Variants in SUCLG2 observed in about 807,000 individuals in gnomAD.
SUCLG2 encodes the protein succinate--CoA ligase [GDP-forming] subunit beta, mitochondrial.
SUCLG2 carries 42 observed loss-of-function variants against 47.9 expected under a neutral mutation model. The observed-to-expected ratio is 0.88, with a 90% confidence interval of 0.69 to 1.14. The LOEUF is 1.14. Ranked by LOEUF, SUCLG2 falls within the 50% of genes most tolerant of loss-of-function variation. The pLI is 0.00. For missense variants in SUCLG2, 571 were observed against 525.9 expected (o/e 1.09, Z -0.84); for synonymous variants, 195 against 197.3 (o/e 0.99, Z 0.10).
chr3:67,639,670 G>C (rs1055031601), intron 1 of SUCLG2, among the ~76,000 whole-genome samples: 1 of 152,120 alleles, frequency 6.6e-6, no homozygotes, highest in Non-Finnish European at 1.5e-5. Context: ...TTCCATAGCT[G>C]TCCTGTGGAA....
intron 2 of SUCLG2, among the ~76,000 whole-genome samples, chr3:67,540,012 C>T (rs1168632415): frequency 3.3e-5 from 5 of 151,592 alleles, no homozygotes; most frequent in African/African-American, 1.2e-4. Flanking sequence ...AAACAGCTCC[C>T]GGATTCATTG....
At chr3:67,591,129 C>A (rs1011713052) in intron 2 of SUCLG2, among the ~76,000 whole-genome samples, 4 of 152,098 alleles carry the variant, frequency 2.6e-5, no homozygotes, top group Non-Finnish European at 5.9e-5. Flanking sequence ...AAGAAATATA[C>A]CCCTGGGGCT....
intron 2 of SUCLG2, among the ~76,000 whole-genome samples, chr3:67,586,664 T>A (rs906865722): frequency 6.6e-6 from 1 of 152,228 alleles, no homozygotes; most frequent in Non-Finnish European, 1.5e-5. Flanking sequence ...GATGACCTTT[T>A]GAAATGCTCT....
intron 9 of SUCLG2, among the ~76,000 whole-genome samples, chr3:67,495,132 T>C (rs1705297783): frequency 6.6e-6 from 1 of 152,206 alleles, no homozygotes; most frequent in South Asian, 2.1e-4. Flanking sequence ...TCAGCATCTT[T>C]ATGGAAGGAA....
At chr3:67,505,415 T>C (rs113503795) in intron 7 of SUCLG2, among the ~76,000 whole-genome samples, 3 of 152,210 alleles carry the variant, frequency 2.0e-5, no homozygotes, top group Admixed American at 6.5e-5. Flanking sequence ...CTAAACTACA[T>C]TGCAGTTAGT....
At position 67,386,189 on chromosome 3, in the gene SUCLG2, C is replaced by T. The variant is rs760193649; in HGVS notation, c.1184-10330G>A. Among the ~76,000 whole-genome samples, 4 of 152,092 alleles carry T rather than the reference C, an allele frequency of 2.6e-5. No homozygotes were observed. The East Asian group carries it at 5.8e-4, about 22-fold the overall frequency. On this transcript the variant is annotated intron_variant, in intron 10 of 10. Transcript: ENST00000307227. The stretch of plus-strand genomic sequence containing the variant: ...CTGCAAGCTCCGCCTCCCAGGTTCA[C>T]GCCATTCTCCTGCCTCAGCCTCCCA...
At chr3:67,374,625 A>T, downstream of SUCLG2, 1 of 366,676 alleles carries the variant, frequency 2.7e-6, no homozygotes, top group Non-Finnish European at 3.8e-6. Context: ...ATCAAATTTT[A>T]GAGGCATACC....
intron 9 of SUCLG2, among the ~76,000 whole-genome samples, chr3:67,430,583 G>A (rs1703449572): frequency 6.6e-6 from 1 of 151,944 alleles, no homozygotes; most frequent in African/African-American, 2.4e-5. Context: ...CTAGCAGAAG[G>A]CAAGAAATAA....
At chr3:67,593,904 G>C (rs1190421643) in intron 2 of SUCLG2, among the ~76,000 whole-genome samples, 1 of 152,182 alleles carries the variant, frequency 6.6e-6, no homozygotes, top group African/African-American at 2.4e-5. Context: ...CTTCCCACTA[G>C]AGGCCCTGAC....
rs1433807084 is a variant in SUCLG2 at position 67,654,423 on chromosome 3, C to T, written c.84+80G>A. ...GGCCGCGCAGGGGGTCAGGCGGAGACCAAGAGTAGCAGGGGGCGAGGGAAG... is the reference window on the plus strand; with the variant it reads ...GGCCGCGCAGGGGGTCAGGCGGAGATCAAGAGTAGCAGGGGGCGAGGGAAG... On this transcript the variant is annotated intron_variant, in intron 1 of 10. Coordinates refer to ENST00000307227, the MANE Select transcript of SUCLG2 (RefSeq NM_003848.4). The T allele has an allele frequency of 3.5e-6, 4 of 1,138,472 alleles. No individual in the cohort carries two copies. In the South Asian group the frequency reaches 1.3e-4, roughly 38 times the overall value. The allele number at this position is 1,138,472 out of a possible 1,614,324, so 70.5% of individuals were successfully genotyped here.
intron 9 of SUCLG2, among the ~76,000 whole-genome samples, chr3:67,472,207 A>G (rs926033435): frequency 9.2e-5 from 14 of 152,232 alleles, no homozygotes; most frequent in African/African-American, 3.4e-4. Context: ...AGTGATGTTC[A>G]TTTATTCTAT....
chr3:67,362,299 T>G (rs1445021253), intron 10 of SUCLG2, among the ~76,000 whole-genome samples: 1 of 152,048 alleles, frequency 6.6e-6, no homozygotes, highest in Non-Finnish European at 1.5e-5. Context: ...CTGTCTCTTA[T>G]GCGTCTCCCC....
intron 2 of SUCLG2, among the ~76,000 whole-genome samples, chr3:67,552,199 A>C (rs544546247): frequency 1.3e-5 from 2 of 151,838 alleles, no homozygotes; most frequent in East Asian, 3.9e-4. Flanking sequence ...AAAAGAAAAA[A>C]GAAAAAATGG....
At chr3:67,601,459 G>A (rs1708415975) in intron 2 of SUCLG2, among the ~76,000 whole-genome samples, 1 of 152,044 alleles carries the variant, frequency 6.6e-6, no homozygotes. Flanking sequence ...CAGACAGAGC[G>A]ATCACAGCAG....
intron 10 of SUCLG2, among the ~76,000 whole-genome samples, chr3:67,396,331 A>G (rs1238240173): frequency 1.3e-5 from 2 of 152,270 alleles, no homozygotes; most frequent in Admixed American, 6.5e-5. Context: ...AAAAAATGAT[A>G]AGGGGGATAT....
intron 2 of SUCLG2, among the ~76,000 whole-genome samples, chr3:67,549,544 A>G (rs1706955453): frequency 6.6e-6 from 1 of 152,240 alleles, no homozygotes. Flanking sequence ...AACAGTGGTT[A>G]TCTATAGGGA....
In SUCLG2 at chr3:67,445,803, A is replaced by G. The variant is rs1261624076; in HGVS notation, c.1063-44952T>C. ...AAAAAAAAATGTCATAGAAGGAGGAACTGGTTATTCTCAACTGCAGCGACA... is the reference window on the plus strand; with the variant it reads ...AAAAAAAAATGTCATAGAAGGAGGAGCTGGTTATTCTCAACTGCAGCGACA... On this transcript the variant is annotated intron_variant, in intron 9 of 10. Transcript: ENST00000307227. Among the ~76,000 whole-genome samples, 9 of 55,576 alleles carry G rather than the reference A, an allele frequency of 1.6e-4. 4 individuals are homozygous for G. The highest frequency in any genetic ancestry group is 3.4e-4 in the Non-Finnish European group (9 of 26,754). The allele number at this position is 55,576 out of a possible 152,430, so 36.5% of individuals were successfully genotyped here.
Position 67,360,652 on chromosome 3 carries a change from CA to C in SUCLG2, c.1299del (p.Cys433TrpfsTer14). 1 of 1,510,294 alleles carries C rather than the reference CA, an allele frequency of 6.6e-7. No homozygotes were observed. Among genetic ancestry groups the C allele is most frequent in the Non-Finnish European group, 8.8e-7 (1 of 1,132,064 alleles). The allele number at this position is 1,510,294 out of a possible 1,614,324, so 93.6% of individuals were successfully genotyped here. On this transcript the variant is annotated frameshift_variant, in exon 11 of 11. Transcript: ENST00000493112. LOFTEE classifies it high-confidence loss of function. ...CTTTAACATAAAAAAATGCTGATGG[CA>C]CACTTACTCAGATTTTGGTGGGCGA...
At chr3:67,459,276 A>T (rs539699478) in intron 9 of SUCLG2, among the ~76,000 whole-genome samples, 2 of 152,346 alleles carry the variant, frequency 1.3e-5, no homozygotes, top group South Asian at 4.1e-4. Flanking sequence ...GTATTCTGAA[A>T]TAACAACATT....
Sources: allele counts gnomAD v4.1 joint callset (sites outside exome capture counted in the v4.1 genomes callset), GRCh38; gene constraint gnomAD v4.1.1; transcripts MANE v1.5; gene names NCBI Gene and HGNC (gene_info 2026-07-23, HGNC 2026-07-21).